Variants in ATG9A observed in about 807,000 individuals in gnomAD.
ATG9A encodes autophagy related 9A, also known as autophagy-related protein 9A.
ATG9A carries 21 observed loss-of-function variants against 87.1 expected under a neutral mutation model. The observed-to-expected ratio is 0.24, with a 90% CI of 0.17 to 0.35. The LOEUF is 0.35. Among genes scored for constraint, ATG9A ranks in the 10% least tolerant of loss-of-function variants. The probability of loss-of-function intolerance (pLI) is 1.00; values close to 1 mark genes in which losing one functional copy is unlikely to be tolerated. For missense variants in ATG9A, 836 were observed against 1,107.3 expected (o/e 0.76, Z 3.48); for synonymous variants, 422 against 441.3 (o/e 0.96, Z 0.55).
chr2:219,225,763 A>G (rs1036397677), intron 5 of ATG9A, among the ~76,000 whole-genome samples, 191 bp from the exon 6 acceptor site: 1 of 152,222 alleles, frequency 6.6e-6, no homozygotes, highest in Non-Finnish European at 1.5e-5. Context: ...TCTTAGCCTC[A>G]GCTGCCACAG....
Position 219,220,733 on chromosome 2 carries a change from C to T in ATG9A, c.2514+14G>A, listed in dbSNP as rs755637970. 26 of 1,610,238 alleles carry T rather than the reference C, an allele frequency of 1.6e-5. No individual in the cohort carries two copies. The highest frequency in any genetic ancestry group is 2.1e-5 in the Non-Finnish European group (25 of 1,178,006). The stretch of plus-strand genomic sequence containing the variant: ...CTATTTCTGGCAGTTTTTCCTAGGC[C>T]CCGGGGCCCTTACCTTGTGCACCTG... On this transcript the variant is annotated intron_variant, in intron 15 of 15. Transcript: ENST00000361242.
At chr2:219,220,538 G>T in intron 15 of ATG9A, 86 bp from the exon 16 acceptor site, 1 of 1,575,858 alleles carries the variant, frequency 6.3e-7, no homozygotes, top group South Asian at 1.1e-5. Flanking sequence ...GAGGTAAAGG[G>T]ACAGGAAAGG....
At position 219,223,206 on chromosome 2, in the gene ATG9A, G is replaced by T. The variant is rs1356329495; in HGVS notation, c.1600-313C>A. Among the ~76,000 whole-genome samples, 1 of 151,258 alleles carries T rather than the reference G, an allele frequency of 6.6e-6. No individual in the cohort carries two copies. The highest frequency in any genetic ancestry group is 1.5e-5 in the Non-Finnish European group (1 of 67,960). On this transcript the variant is annotated intron_variant, in intron 10 of 15. Coordinates refer to ENST00000361242, the MANE Select transcript of ATG9A (RefSeq NM_001077198.3). This position sits in a 1 kb window ranked among gnomAD's most constrained non-coding sequence, Gnocchi z 4.7. ...AGGTTCACGCCATTCTCCTGCCTCA[G>T]CCTCCCGAGTAGCTGGGACTACAGG... is the stretch of plus-strand genomic sequence containing the variant.
Position 219,222,830 on chromosome 2 carries a change from ACT to A in ATG9A, c.1661_1662del (p.Glu554ValfsTer18). On this transcript the variant is annotated frameshift_variant, in exon 11 of 16. Transcript: ENST00000361242. LOFTEE classifies it high-confidence loss of function. This position sits in a 1 kb window ranked among gnomAD's most constrained non-coding sequence, Gnocchi z 4.3. ...VYQQAEDGKTELSLMHFAITN... is the reference protein window; with the variant it reads ...VYQQAEDGKTXLSLMHFAITN... ...GTGATGGCAAAGTGCATGAGTGACA[ACT>A]CTGTCTTTCCATCCTCAGCTTGCTG... is the stretch of plus-strand genomic sequence containing the variant. 1 of 1,614,014 alleles carries A rather than the reference ACT, an allele frequency of 6.2e-7. No individual in the cohort carries two copies. The highest frequency in any genetic ancestry group is 8.5e-7 in the Non-Finnish European group (1 of 1,180,010).
rs183286778 is a variant in ATG9A, at chr2:219,224,659, C to A, written c.712G>T (p.Gly238Trp). The A allele has an allele frequency of 8.2e-5, 133 of 1,614,096 alleles. No homozygotes were observed. Among genetic ancestry groups the A allele is most frequent in the Non-Finnish European group, 1.1e-4 (129 of 1,180,050 alleles). ...LPLRFRLPGL[G>W]EAVFFTRGLK... ...CCACGGGTGAAGAAGACAGCTTCCC[C>A]GAGGCCAGGCAGGCGGAAGCGCAGA... The change falls in exon 8 of 16, where the codon GGG becomes TGG. Residue 238 changes from glycine (G) to tryptophan (W), a missense_variant. Physicochemically the swap from Gly to Trp is radical, Grantham distance 184. This residue lies in a region of ATG9A where 512 missense variants were observed against 759.6 expected (regional missense o/e 0.67). Coordinates refer to ENST00000361242, the MANE Select transcript of ATG9A (RefSeq NM_001077198.3). This position sits in a 1 kb window ranked among gnomAD's most constrained non-coding sequence, Gnocchi z 7.7.
chr2:219,225,386 T>C (rs745992275), intron 6 of ATG9A, 25 bp downstream of exon 6: 1 of 1,611,944 alleles, frequency 6.2e-7, no homozygotes, highest in East Asian at 2.2e-5. Context: ...AAGGCTATGG[T>C]GTCCTCTTGA....
chr2:219,226,874 C>T lies in ATG9A; in HGVS notation c.207G>A (p.Glu69=). The T allele has an allele frequency of 6.2e-7, 1 of 1,611,788 alleles. No homozygotes were observed. Among genetic ancestry groups the T allele is most frequent in the Non-Finnish European group, 8.5e-7 (1 of 1,177,824 alleles). The part of the protein sequence containing the change: ...FTCMLIGEIF[E]LMQFLFVVAF... Reference sequence around the variant, plus strand: ...CTGTCCCTTCTTATACTTACATGAGCTCAAAGATCTCCCCGATGAGCATAC... The same window carrying T: ...CTGTCCCTTCTTATACTTACATGAGTTCAAAGATCTCCCCGATGAGCATAC... The change falls in exon 5 of 16, where the codon GAG becomes GAA. Residue 69 remains glutamate (E), a synonymous_variant. Coordinates refer to ENST00000361242, the MANE Select transcript of ATG9A (RefSeq NM_001077198.3).
Position 219,221,320 on chromosome 2 carries a change from T to A in ATG9A, c.2146-18A>T. The A allele has an allele frequency of 6.5e-7, 1 of 1,540,416 alleles. No individual in the cohort carries two copies. Among genetic ancestry groups the A allele is most frequent in the Admixed American group, 2.0e-5 (1 of 49,058 alleles). ...TTGTGGAGCTGGAGAAATGGGGGGC[T>A]CGTTAGTGGGGGACAGACGGATGTC... On this transcript the variant is annotated intron_variant, in intron 13 of 15. Coordinates refer to ENST00000361242, the MANE Select transcript of ATG9A (RefSeq NM_001077198.3).
chr2:219,220,129 G>A lies in ATG9A; in HGVS notation c.*318C>T, dbSNP rs767395834. 1.3e-4 allele frequency: 53 copies of A among 400,100 alleles called. 1 individual carries two copies. Among genetic ancestry groups the A allele is most frequent in the Admixed American group, 1.2e-3 (31 of 26,472 alleles). The allele number at this position is 400,100 out of a possible 1,614,324, so 24.8% of individuals were successfully genotyped here. On this transcript the variant is annotated 3_prime_UTR_variant, in exon 16 of 16. Transcript: ENST00000361242. ...AGCTTCTATCGTGGGCAGCCCTCTG[G>A]GGACTTGCAGGGGTAGGTGTAAAGG...
chr2:219,228,113 C>T (rs1950903803), intron 2 of ATG9A, 60 bp from the exon 3 acceptor site: 1 of 1,188,100 alleles, frequency 8.4e-7, no homozygotes, highest in Non-Finnish European at 1.2e-6. Flanking sequence ...CATGGGCTGC[C>T]CTGCCTACTG....
chr2:219,221,479 C>T (rs1950757989), intron 13 of ATG9A, among the ~76,000 whole-genome samples, 177 bp from the exon 14 acceptor site: 1 of 152,154 alleles, frequency 6.6e-6, no homozygotes. Flanking sequence ...GTTACATTCA[C>T]AGCAGATCCC....
In ATG9A at chr2:219,222,977, C is replaced by T; in HGVS notation, c.1600-84G>A. ...TTTCCTGTTAGTGGGGAGGCCTTAC[C>T]CTTGGAGAACGGAGACCACAGTATA... On this transcript the variant is annotated intron_variant, in intron 10 of 15. Transcript: ENST00000361242. The surrounding 1 kb of genome is among the most constrained non-coding windows in gnomAD (Gnocchi z 4.3). 4 of 1,552,742 alleles carry T rather than the reference C, an allele frequency of 2.6e-6. No homozygotes were observed. Among genetic ancestry groups the T allele is most frequent in the Non-Finnish European group, 2.6e-6 (3 of 1,146,840 alleles).
At chr2:219,221,415 G>C in intron 13 of ATG9A, 113 bp from the exon 14 acceptor site, 1 of 961,958 alleles carries the variant, frequency 1.0e-6, no homozygotes, top group Non-Finnish European at 1.5e-6. Flanking sequence ...GAGAATCCTT[G>C]CCTCAGAGCA....
In ATG9A at chr2:219,222,801, G is replaced by A; in HGVS notation, c.1692C>T (p.Asn564=). ...TCTCACGTGGTGGCTGCCAGCCAGG[G>A]TTGGTGATGGCAAAGTGCATGAGTG... The part of the protein sequence containing the change: ...ELSLMHFAIT[N]PGWQPPREST... Residue 564 remains asparagine (N), a synonymous_variant, in exon 11 of 16, where the codon AAC becomes AAT. Transcript: ENST00000361242. The surrounding 1 kb of genome is among the most constrained non-coding windows in gnomAD (Gnocchi z 4.3). The A allele has an allele frequency of 1.2e-6, 2 of 1,614,250 alleles. No individual in the cohort carries two copies. Among genetic ancestry groups the A allele is most frequent in the Non-Finnish European group, 1.7e-6 (2 of 1,180,048 alleles).
chr2:219,222,235 C>T lies in ATG9A; in HGVS notation c.2027+37G>A, dbSNP rs775521583. ...TGAGACCCACACAAGCTGCTGAGGG[C>T]TGCCGTGCCCTCCCATCTTGGCCCC... On this transcript the variant is annotated intron_variant, in intron 12 of 15. Coordinates refer to ENST00000361242, the MANE Select transcript of ATG9A (RefSeq NM_001077198.3). This position sits in a 1 kb window ranked among gnomAD's most constrained non-coding sequence, Gnocchi z 4.3. The T allele has an allele frequency of 7.4e-6, 12 of 1,613,238 alleles. No homozygotes were observed. The highest frequency in any genetic ancestry group is 9.3e-6 in the Non-Finnish European group (11 of 1,179,828).
Position 219,224,810 on chromosome 2 carries a change from G to A in ATG9A, c.561C>T (p.Ile187=), listed in dbSNP as rs753871687. Residue 187 remains isoleucine, a synonymous_variant, in exon 8 of 16, where the codon ATC becomes ATT. Coordinates refer to ENST00000361242, the MANE Select transcript of ATG9A (RefSeq NM_001077198.3). This position sits in a 1 kb window ranked among gnomAD's most constrained non-coding sequence, Gnocchi z 7.7. ...YCTWQEVQAR[I]VQTQKEHQIC... is the part of the protein sequence containing the mutation. ...TCTGGTGCTCCTTCTGCGTCTGCAC[G>A]ATCCGGGCCTGCACTTCTTGCCACG... 6 of 1,614,086 alleles carry A rather than the reference G, an allele frequency of 3.7e-6. No homozygotes were observed. The highest frequency in any genetic ancestry group is 1.3e-5 in the African/African-American group (1 of 74,928).
intron 13 of ATG9A, 69 bp from the exon 14 acceptor site, chr2:219,221,371 T>G: frequency 7.1e-7 from 1 of 1,413,512 alleles, no homozygotes; most frequent in East Asian, 2.5e-5. Context: ...CCCTCCAACC[T>G]GGTATCAGTC....
chr2:219,226,009 G>A (rs1950853388), intron 5 of ATG9A, among the ~76,000 whole-genome samples: 1 of 152,228 alleles, frequency 6.6e-6, no homozygotes, highest in Non-Finnish European at 1.5e-5. Flanking sequence ...CCATGGAACA[G>A]GCAAGGCAGA....
chr2:219,223,368 G>C lies in ATG9A; in HGVS notation c.1599+217C>G, dbSNP rs941727761. Among the ~76,000 whole-genome samples, 27 of 152,142 alleles carry C rather than the reference G, an allele frequency of 1.8e-4. No individual in the cohort carries two copies. The highest frequency in any genetic ancestry group is 3.4e-4 in the Non-Finnish European group (23 of 68,032). The stretch of plus-strand genomic sequence containing the variant: ...CTCCCAAAGTGCTGGGATTACAGAC[G>C]TGAGCCACCGCGCCTGGCCGTGTTG... On this transcript the variant is annotated intron_variant, in intron 10 of 15. Coordinates refer to ENST00000361242, the MANE Select transcript of ATG9A (RefSeq NM_001077198.3). The surrounding 1 kb of genome is among the most constrained non-coding windows in gnomAD (Gnocchi z 4.7).
Sources: allele counts gnomAD v4.1 joint callset (sites outside exome capture counted in the v4.1 genomes callset), GRCh38; gene constraint gnomAD v4.1.1; regional missense constraint gnomAD v4.1.1; non-coding constraint Gnocchi (gnomAD v3.1); transcripts MANE v1.5; gene names NCBI Gene and HGNC (gene_info 2026-07-23, HGNC 2026-07-21).